Variants in SPATA1 observed in about 807,000 individuals in gnomAD.
SPATA1 encodes the protein spermatogenesis-associated protein 1.
A neutral mutation model predicts 59.6 loss-of-function variants in SPATA1; 57 were observed. The observed-to-expected ratio is 0.96, with a 90% CI of 0.77 to 1.19. The LOEUF (loss-of-function observed/expected upper bound fraction) is 1.19, where lower values mean the gene tolerates loss of function less well. Ranked by LOEUF, SPATA1 falls within the 50% of genes most tolerant of loss-of-function variation. The probability of loss-of-function intolerance (pLI) is 0.00; values close to 1 mark genes in which losing one functional copy is unlikely to be tolerated. For synonymous variants in SPATA1, 147 were observed against 163.9 expected (o/e 0.90, Z 0.79); for missense variants, 448 against 480.7 (o/e 0.93, Z 0.64).
intron 4 of SPATA1, 30 bp downstream of exon 4, chr1:84,522,537 G>C: frequency 1.7e-6 from 2 of 1,204,684 alleles, no homozygotes; most frequent in Non-Finnish European, 2.3e-6. Flanking sequence ...CTTTCTGATT[G>C]AGAAAGACCA....
At chr1:84,553,029 T>C in intron 12 of SPATA1, 1 of 1,507,544 alleles carries the variant, frequency 6.6e-7, no homozygotes, top group Non-Finnish European at 8.9e-7. Flanking sequence ...GTAATTCTTT[T>C]TATAGATGAG....
intron 4 of SPATA1, among the ~76,000 whole-genome samples, chr1:84,523,321 T>A (rs1000695764): frequency 6.6e-6 from 1 of 152,170 alleles, no homozygotes; most frequent in Non-Finnish European, 1.5e-5. Flanking sequence ...AGCCATCAGA[T>A]CTCAAAGGTT....
At chr1:84,529,914 T>C (rs975561167) in intron 6 of SPATA1, among the ~76,000 whole-genome samples, 1 of 150,862 alleles carries the variant, frequency 6.6e-6, no homozygotes, top group Non-Finnish European at 1.5e-5. Context: ...TGGAGTGCAG[T>C]GGCACAATCT....
At chr1:84,511,861 A>T (rs1682579346) in intron 1 of SPATA1, among the ~76,000 whole-genome samples, 1 of 151,666 alleles carries the variant, frequency 6.6e-6, no homozygotes, top group African/African-American at 2.4e-5. Flanking sequence ...TTGTATTTTT[A>T]TCAGAGGTGG....
chr1:84,529,646 A>C (rs1683381545), intron 6 of SPATA1, among the ~76,000 whole-genome samples: 1 of 124,306 alleles, frequency 8.0e-6, no homozygotes, highest in South Asian at 2.7e-4. Flanking sequence ...CAGTGGTGCG[A>C]TCTCGGCTCA....
intron 1 of SPATA1, among the ~76,000 whole-genome samples, chr1:84,509,972 G>A (rs966038780): frequency 5.3e-5 from 8 of 152,076 alleles, no homozygotes; most frequent in Non-Finnish European, 1.2e-4. Context: ...TAGATTTCTC[G>A]AACCCAGGAG....
intron 11 of SPATA1, 125 bp from the exon 12 acceptor site, chr1:84,550,307 C>T (rs1435240303): frequency 2.2e-5 from 10 of 455,946 alleles, no homozygotes; most frequent in Admixed American, 4.4e-5. Flanking sequence ...GTTTACTTTA[C>T]GGAATAGGTT....
exon 13 of SPATA1, chr1:84,553,151 T>TA: frequency 7.9e-7 from 1 of 1,266,494 alleles, no homozygotes; most frequent in African/African-American, 1.5e-5. Flanking sequence ...CTTTTATTTG[T>TA]AAAAAAATTT....
At chr1:84,558,773 C>T (rs7530632), downstream of SPATA1, among the ~76,000 whole-genome samples, 11,610 of 151,868 alleles carry the variant, frequency 0.076, 789 homozygotes, top group African/African-American at 0.18. Flanking sequence ...TGATGGCACA[C>T]GCCTATGGTC....
At chr1:84,540,623 A>T (rs1683867034) in intron 8 of SPATA1, among the ~76,000 whole-genome samples, 5 of 152,140 alleles carry the variant, frequency 3.3e-5, no homozygotes, top group Admixed American at 3.3e-4. Flanking sequence ...TTAGTCTCAG[A>T]GTTATAATTA....
chr1:84,547,748 A>T (rs565205110), intron 10 of SPATA1, among the ~76,000 whole-genome samples: 2 of 152,332 alleles, frequency 1.3e-5, no homozygotes, highest in East Asian at 3.9e-4. Context: ...CTACGTAAGA[A>T]GGAATGCAGA....
intron 6 of SPATA1, among the ~76,000 whole-genome samples, chr1:84,528,370 G>A (rs1356767663): frequency 6.6e-6 from 1 of 152,010 alleles, no homozygotes; most frequent in Non-Finnish European, 1.5e-5. Context: ...TTAATTTGTG[G>A]TTTGTCTTTT....
At chr1:84,558,162 A>G (rs1684503266), downstream of SPATA1, among the ~76,000 whole-genome samples, 1 of 152,368 alleles carries the variant, frequency 6.6e-6, no homozygotes, top group East Asian at 1.9e-4. Context: ...AAGTGTTCTT[A>G]CCATTTAAAA....
chr1:84,522,316 TA>T, intron 3 of SPATA1, 73 bp from the exon 4 acceptor site: 2 of 804,730 alleles, frequency 2.5e-6, no homozygotes, highest in Non-Finnish European at 1.8e-6. Context: ...GATAGCTGAC[TA>T]AAGTTATTGA....
At chr1:84,532,809 A>G (rs1683525805) in intron 6 of SPATA1, 51 bp from the exon 7 acceptor site, 1 of 1,263,980 alleles carries the variant, frequency 7.9e-7, no homozygotes, top group Non-Finnish European at 1.1e-6. Flanking sequence ...TTATTTTACT[A>G]TTTTCCTAAC....
downstream of SPATA1, among the ~76,000 whole-genome samples, chr1:84,558,313 G>A (rs1022798336): frequency 6.7e-6 from 1 of 148,968 alleles, no homozygotes; most frequent in African/African-American, 2.5e-5. Flanking sequence ...TTTTTGAGAC[G>A]GAGTCTCGCT....
intron 4 of SPATA1, among the ~76,000 whole-genome samples, chr1:84,564,167 T>G (rs1200220270): frequency 1.3e-5 from 2 of 152,236 alleles, no homozygotes; most frequent in Non-Finnish European, 2.9e-5. Flanking sequence ...TACTTGATAC[T>G]CTAGATTCTA....
At chr1:84,511,399 G>A (rs1037738826) in intron 1 of SPATA1, among the ~76,000 whole-genome samples, 6 of 151,960 alleles carry the variant, frequency 3.9e-5, no homozygotes, top group African/African-American at 1.5e-4. Flanking sequence ...TCCCTAAAAT[G>A]TCCTTATATA....
At chr1:84,533,404 A>G (rs1558595833) in intron 7 of SPATA1, among the ~76,000 whole-genome samples, 1 of 152,110 alleles carries the variant, frequency 6.6e-6, no homozygotes. Context: ...TCTTATAAAC[A>G]GTTATTCACA....
Sources: gnomAD v4.1 joint callset for allele counts (sites outside exome capture counted in the v4.1 genomes callset) on GRCh38, gnomAD v4.1.1 for gene constraint, MANE v1.5 for transcripts, NCBI Gene and HGNC (gene_info 2026-07-23, HGNC 2026-07-21) for gene names.